The following PAK5 variants were observed in gnomAD, a reference collection of about 807,000 sequenced individuals.
The protein encoded by PAK5 is serine/threonine-protein kinase PAK 5.
A neutral mutation model predicts 65.9 loss-of-function variants in PAK5; 16 were observed. The ratio of observed to expected loss-of-function variants is 0.24; its 90% CI spans 0.16 to 0.37. The LOEUF is 0.37. PAK5 is among the 10% of genes least tolerant of loss of function. PAK5 has a pLI of 1.00. For missense variants in PAK5, 785 were observed against 903.9 expected (o/e 0.87, Z 1.69); for synonymous variants, 371 against 354.9 (o/e 1.05, Z -0.51).
chr20:9,825,516 T>C (rs1158884149), intron 1 of PAK5, among the ~76,000 whole-genome samples: 1 of 152,178 alleles, frequency 6.6e-6, no homozygotes, highest in Admixed American at 6.6e-5. Context: ...TACCATCCTT[T>C]TGCGTTTTGA....
At chr20:9,651,742 A>T (rs1294551598) in intron 2 of PAK5, among the ~76,000 whole-genome samples, 1 of 152,044 alleles carries the variant, frequency 6.6e-6, no homozygotes. Context: ...CATACTGAAG[A>T]CGGGGTGGGG....
intron 7 of PAK5, among the ~76,000 whole-genome samples, chr20:9,550,084 C>CA (rs1568957120): frequency 6.6e-6 from 1 of 152,178 alleles, no homozygotes; most frequent in African/African-American, 2.4e-5. Context: ...TCCATGGAGA[C>CA]ACGGCGCTAT....
chr20:9,670,457 T>C (rs1481281417), intron 2 of PAK5, among the ~76,000 whole-genome samples: 1 of 152,274 alleles, frequency 6.6e-6, no homozygotes. Context: ...TTTTAATGAT[T>C]GCCATTCTAA....
At chr20:9,761,802 A>G (rs1179307257) in intron 1 of PAK5, among the ~76,000 whole-genome samples, 1 of 150,058 alleles carries the variant, frequency 6.7e-6, no homozygotes, top group Non-Finnish European at 1.5e-5. Context: ...TATTTTAAAT[A>G]CACACAAGAA....
intron 5 of PAK5, among the ~76,000 whole-genome samples, chr20:9,564,965 G>A (rs1453530118): frequency 2.6e-5 from 4 of 151,306 alleles, no homozygotes; most frequent in Admixed American, 1.3e-4. Flanking sequence ...GTTAACATTA[G>A]GTGAAATTTA....
At chr20:9,811,810 C>T (rs1226705967) in intron 1 of PAK5, among the ~76,000 whole-genome samples, 1 of 152,160 alleles carries the variant, frequency 6.6e-6, no homozygotes, top group Non-Finnish European at 1.5e-5. Flanking sequence ...TTACTATGCT[C>T]CTTCTAACCA....
At chr20:9,543,080 C>T (rs879710824) in intron 8 of PAK5, among the ~76,000 whole-genome samples, 8 of 152,136 alleles carry the variant, frequency 5.3e-5, no homozygotes, top group Admixed American at 5.2e-4. Context: ...TGTATTTAAA[C>T]CATAAGCAAA....
At chr20:9,822,516 T>G (rs2049434420) in intron 1 of PAK5, among the ~76,000 whole-genome samples, 2 of 152,162 alleles carry the variant, frequency 1.3e-5, no homozygotes, top group Non-Finnish European at 2.9e-5. Flanking sequence ...TGAGGGCAAC[T>G]TAACACTCTG....
intron 1 of PAK5, among the ~76,000 whole-genome samples, chr20:9,808,774 T>C (rs968588466): frequency 6.6e-6 from 1 of 152,194 alleles, no homozygotes. Flanking sequence ...ACTGAGTTTC[T>C]TTCTGAGTTG....
At chr20:9,739,665 A>C (rs186430391) in intron 1 of PAK5, among the ~76,000 whole-genome samples, 83 of 152,324 alleles carry the variant, frequency 5.4e-4, no homozygotes, top group Middle Eastern at 3.4e-3. Flanking sequence ...GGGTCAGATT[A>C]GTGACCTGAG....
At chr20:9,562,363 C>T (rs780382868) in intron 6 of PAK5, among the ~76,000 whole-genome samples, 7 of 152,300 alleles carry the variant, frequency 4.6e-5, no homozygotes, top group South Asian at 2.1e-4. Context: ...CTGGAACTGG[C>T]ACATCAGGGA....
chr20:9,638,657 A>G (rs1031438270), intron 3 of PAK5, among the ~76,000 whole-genome samples: 10 of 152,280 alleles, frequency 6.6e-5, no homozygotes, highest in East Asian at 1.9e-4. Flanking sequence ...TGTTTTATCA[A>G]ACTCTTCAGG....
intron 1 of PAK5, among the ~76,000 whole-genome samples, chr20:9,755,535 A>T (rs2048624053): frequency 6.6e-6 from 1 of 152,174 alleles, no homozygotes; most frequent in Admixed American, 6.5e-5. Context: ...TGCCATGAAG[A>T]TGACACAAAC....
At position 9,746,326 on chromosome 20, in the gene PAK5, C is replaced by T. The variant is rs539568888; in HGVS notation, c.-161-34891G>A. 7.2e-5 allele frequency among the ~76,000 whole-genome samples: 11 copies of T among 152,284 alleles called. No individual in the cohort carries two copies. In the East Asian group the frequency reaches 2.1e-3, roughly 29 times the overall value. ...TCTATCACCTACATCCCTGCCCAGG[C>T]TTTCTTGTCCAGAAACCGCACAGAC... On this transcript the variant is annotated intron_variant, in intron 1 of 9. Coordinates refer to ENST00000353224, the MANE Select transcript of PAK5 (RefSeq NM_177990.4).
At chr20:9,779,934 C>G (rs903258146) in intron 1 of PAK5, among the ~76,000 whole-genome samples, 1 of 151,904 alleles carries the variant, frequency 6.6e-6, no homozygotes, top group Non-Finnish European at 1.5e-5. Context: ...GATTTGTACC[C>G]CATATCAATT....
intron 1 of PAK5, among the ~76,000 whole-genome samples, chr20:9,763,407 C>T (rs940039317): frequency 2.0e-5 from 3 of 151,948 alleles, no homozygotes; most frequent in African/African-American, 4.8e-5. Flanking sequence ...GAGTTGTACA[C>T]ATTAAATATG....
chr20:9,745,880 A>T (rs1284105919), intron 1 of PAK5, among the ~76,000 whole-genome samples: 1 of 152,000 alleles, frequency 6.6e-6, no homozygotes, highest in Admixed American at 6.6e-5. Context: ...ACAACTAAAA[A>T]AAAAGAGAAA....
chr20:9,623,566 C>T (rs1286527852), intron 3 of PAK5, among the ~76,000 whole-genome samples: 1 of 152,086 alleles, frequency 6.6e-6, no homozygotes, highest in Non-Finnish European at 1.5e-5. Flanking sequence ...TAAAACTAAA[C>T]AACTATATGC....
rs199921353 is a variant in PAK5, at chr20:9,568,283, G to A, written c.991-1899C>T. On this transcript the variant is annotated intron_variant, in intron 4 of 9. Transcript: ENST00000353224. ...ACAGTTAATGTGGGCTGAGATTAGG[G>A]TGGTTATTGTAGATGGGGTGAGAAA... 2.6e-3 allele frequency among the ~76,000 whole-genome samples: 398 copies of A among 152,304 alleles called. 3 individuals are homozygous for A. The highest frequency in any genetic ancestry group is 4.0e-3 in the Non-Finnish European group (272 of 68,022).
Sources: allele counts gnomAD v4.1 joint callset (sites outside exome capture counted in the v4.1 genomes callset), GRCh38; gene constraint gnomAD v4.1.1; transcripts MANE v1.5; gene names NCBI Gene and HGNC (gene_info 2026-07-23, HGNC 2026-07-21).